The following MED13 variants were observed in gnomAD, a reference collection of about 807,000 sequenced individuals.
The protein encoded by MED13 is mediator of RNA polymerase II transcription subunit 13.
MED13 carries 23 observed loss-of-function variants against 225.2 expected under a neutral mutation model. The ratio of observed to expected loss-of-function variants is 0.10; its 90% confidence interval spans 0.07 to 0.14. The LOEUF (loss-of-function observed/expected upper bound fraction) is 0.14, where lower values mean the gene tolerates loss of function less well. MED13 is among the 10% of genes least tolerant of loss of function. The pLI is 1.00. For synonymous variants in MED13, 942 were observed against 889.2 expected (o/e 1.06, Z -1.06); for missense variants, 2,197 against 2,594.5 (o/e 0.85, Z 3.33).
At chr17:62,037,698 T>C (rs1270041931) in intron 3 of MED13, among the ~76,000 whole-genome samples, 1 of 148,278 alleles carries the variant, frequency 6.7e-6, no homozygotes, top group Non-Finnish European at 1.5e-5. Context: ...AAGAGGCCTG[T>C]AATCCCAGCA....
At position 61,992,591 on chromosome 17, in the gene MED13, A is replaced by G. The variant is rs1215340213; in HGVS notation, c.2212T>C (p.Leu738=). ...VEDGTSSVTV[L]SHEEDAMSLF... The stretch of plus-strand genomic sequence containing the variant: ...GACATAGCATCTTCTTCATGTGATA[A>G]CACTGTTACACTAGATGTCCCATCT... The change falls in exon 11 of 30, where the codon TTA becomes CTA. Residue 738 remains leucine, a synonymous_variant. Transcript: ENST00000397786. 1 of 1,611,222 alleles carries G rather than the reference A, an allele frequency of 6.2e-7. No homozygotes were observed. Among genetic ancestry groups the G allele is most frequent in the Admixed American group, 1.7e-5 (1 of 59,964 alleles).
At position 61,987,064 on chromosome 17, in the gene MED13, C is replaced by G; in HGVS notation, c.2328G>C (p.Leu776=). 6.2e-7 allele frequency: 1 copy of G among 1,606,970 alleles called. No homozygotes were observed. The change falls in exon 12 of 30, where the codon CTG becomes CTC. Residue 776 remains leucine (L), a synonymous_variant. Transcript: ENST00000397786. ...TATCAAGGTCAGTATAAGAGACAGCCAGGTCTGAGTCATAAATCAAACTTG... is the reference window on the plus strand; with the variant it reads ...TATCAAGGTCAGTATAAGAGACAGCGAGGTCTGAGTCATAAATCAAACTTG... ...PSTSLIYDSD[L]AVSYTDLDNL... is the part of the protein sequence containing the mutation.
At chr17:62,001,903 AG>A (rs1283965170) in intron 9 of MED13, among the ~76,000 whole-genome samples, 1 of 152,226 alleles carries the variant, frequency 6.6e-6, no homozygotes, top group Non-Finnish European at 1.5e-5. Flanking sequence ...GAATTTAAAA[AG>A]AAAAATAATA....
chr17:61,956,291 A>T (rs556426767), intron 24 of MED13, 48 bp downstream of exon 24: 2 of 1,558,878 alleles, frequency 1.3e-6, no homozygotes, highest in African/African-American at 1.4e-5. Context: ...ACTGTGTGTG[A>T]ATTTACATAA....
chr17:62,044,387 A>G (rs1236958019), intron 3 of MED13, among the ~76,000 whole-genome samples: 1 of 152,194 alleles, frequency 6.6e-6, no homozygotes, highest in Admixed American at 6.5e-5. Context: ...TACAATGGCC[A>G]TTAACAACAG....
intron 9 of MED13, among the ~76,000 whole-genome samples, chr17:62,000,244 T>C (rs1283421477): frequency 6.6e-6 from 1 of 152,190 alleles, no homozygotes; most frequent in Non-Finnish European, 1.5e-5. Flanking sequence ...CTACCGTAAT[T>C]TTCTATGAAG....
intron 8 of MED13, among the ~76,000 whole-genome samples, chr17:62,015,743 TTATA>T (rs1054906639): frequency 7.0e-6 from 1 of 142,174 alleles, no homozygotes; most frequent in Non-Finnish European, 1.5e-5. Context: ...CAGTCTAATT[TTATA>T]TATATATATA....
chr17:61,982,421 A>G lies in MED13; in HGVS notation c.3582T>C (p.Asp1194=), dbSNP rs1181663877. Residue 1194 remains aspartate, a synonymous_variant, in exon 16 of 30, where the codon GAT becomes GAC. Coordinates refer to ENST00000397786, the MANE Select transcript of MED13 (RefSeq NM_005121.3). ...AGGGTGAAAATAAATTAGTGCACTGATCTTGTAGCAATAATATCAAATCAT... is the reference window on the plus strand; with the variant it reads ...AGGGTGAAAATAAATTAGTGCACTGGTCTTGTAGCAATAATATCAAATCAT... ...LSDDLILLLQ[D]QCTNLFSPFG... is the part of the protein sequence containing the mutation. 3 of 1,614,198 alleles carry G rather than the reference A, an allele frequency of 1.9e-6. No homozygotes were observed. Among genetic ancestry groups the G allele is most frequent in the Non-Finnish European group, 2.5e-6 (3 of 1,180,032 alleles).
At chr17:62,025,267 G>A (rs960218554) in intron 8 of MED13, among the ~76,000 whole-genome samples, 1 of 152,212 alleles carries the variant, frequency 6.6e-6, no homozygotes, top group African/African-American at 2.4e-5. Context: ...GAATGTGGCT[G>A]TGTTCTAATA....
intron 3 of MED13, among the ~76,000 whole-genome samples, chr17:62,035,938 G>C (rs2080799348): frequency 6.6e-6 from 1 of 151,906 alleles, no homozygotes; most frequent in Admixed American, 6.6e-5. Context: ...AAAATAGTAG[G>C]GTCAATTTTT....
intron 17 of MED13, among the ~76,000 whole-genome samples, chr17:61,969,095 C>A (rs1046976488): frequency 6.6e-6 from 1 of 152,110 alleles, no homozygotes; most frequent in Non-Finnish European, 1.5e-5. Context: ...GTGGCTCACA[C>A]CTGTAATTTC....
At chr17:61,986,313 TA>T (rs2080247450) in intron 12 of MED13, among the ~76,000 whole-genome samples, 1 of 152,110 alleles carries the variant, frequency 6.6e-6, no homozygotes, top group Non-Finnish European at 1.5e-5. Context: ...AAATGCATAT[TA>T]TATAGGAAAG....
chr17:61,996,236 C>G (rs1342080008), intron 9 of MED13, among the ~76,000 whole-genome samples: 2 of 152,070 alleles, frequency 1.3e-5, no homozygotes, highest in African/African-American at 4.8e-5. Context: ...CTCTGAAGAC[C>G]CGACTGCTCG....
At chr17:61,955,020 T>G (rs77541770) in intron 26 of MED13, among the ~76,000 whole-genome samples, 14,168 of 152,266 alleles carry the variant, frequency 0.093, 924 homozygotes, top group South Asian at 0.32. Flanking sequence ...ATCTGTTTCC[T>G]TGTCTTTTTC....
intron 15 of MED13, 117 bp downstream of exon 15, chr17:61,984,054 T>G: frequency 1.3e-6 from 1 of 746,628 alleles, no homozygotes; most frequent in Non-Finnish European, 2.0e-6. Context: ...TAACCAGAAA[T>G]AATTTTTAGA....
chr17:62,060,009 C>T (rs533178624), intron 2 of MED13, among the ~76,000 whole-genome samples: 10 of 152,130 alleles, frequency 6.6e-5, no homozygotes, highest in African/African-American at 2.4e-4. Flanking sequence ...AAGTTATTTA[C>T]GGCCAGGTGC....
chr17:62,049,466 G>C (rs1346720173), intron 3 of MED13, among the ~76,000 whole-genome samples: 4 of 152,088 alleles, frequency 2.6e-5, no homozygotes, highest in Non-Finnish European at 4.4e-5. Flanking sequence ...TAGTGTGAAA[G>C]CAGGCATAAA....
chr17:61,985,520 C>CA (rs1437747885), intron 12 of MED13, among the ~76,000 whole-genome samples: 7 of 151,910 alleles, frequency 4.6e-5, no homozygotes, highest in Non-Finnish European at 1.0e-4. Flanking sequence ...ACTAAAAATA[C>CA]AAAAAATTAG....
intron 8 of MED13, among the ~76,000 whole-genome samples, chr17:62,026,988 A>G (rs367980052): frequency 9.9e-5 from 15 of 152,220 alleles, no homozygotes; most frequent in African/African-American, 3.6e-4. Context: ...GGAAGAATCA[A>G]TATCCTTAAA....
Sources: allele counts gnomAD v4.1 joint callset (sites outside exome capture counted in the v4.1 genomes callset), GRCh38; gene constraint gnomAD v4.1.1; transcripts MANE v1.5; gene names NCBI Gene and HGNC (gene_info 2026-07-23, HGNC 2026-07-21).